DNM3: variants seen among roughly 807,000 people sequenced by gnomAD.
DNM3 encodes the protein dynamin-3.
In DNM3, 47 loss-of-function variants were observed where a neutral mutation model predicts 101.6. The observed-to-expected ratio is 0.46, with a 90% CI of 0.37 to 0.59. The LOEUF (loss-of-function observed/expected upper bound fraction) is 0.59. Ranked by LOEUF, DNM3 falls within the 20% of genes least tolerant of loss-of-function variation. DNM3 has a pLI of 0.00. For synonymous variants in DNM3, 385 were observed against 387.9 expected (o/e 0.99, Z 0.09); for missense variants, 849 against 1,085.7 (o/e 0.78, Z 3.06).
Position 172,033,093 on chromosome 1 carries a change from G to A in DNM3, c.689-12G>A, listed in dbSNP as rs1236231519. 11 of 1,609,752 alleles carry A rather than the reference G, an allele frequency of 6.8e-6. No homozygotes were observed. In the South Asian group the frequency reaches 8.9e-5, roughly 13 times the overall value. ...AGTGTCCCCAACTCCATAGATTTGT[G>A]TTTTGTTTCAGGTTACGTGGGGGTG... is the stretch of plus-strand genomic sequence containing the variant. On this transcript the variant is annotated splice_polypyrimidine_tract_variant and intron_variant, in intron 5 of 20. Transcript: ENST00000627582.
chr1:172,262,358 G>T (rs1372672795), intron 15 of DNM3, among the ~76,000 whole-genome samples: 1 of 152,174 alleles, frequency 6.6e-6, no homozygotes, highest in Non-Finnish European at 1.5e-5. Context: ...AATGCAGCTT[G>T]GTGGGGTGGG....
chr1:172,250,882 T>C (rs2062142010), intron 14 of DNM3, among the ~76,000 whole-genome samples: 1 of 152,226 alleles, frequency 6.6e-6, no homozygotes, highest in South Asian at 2.1e-4. Flanking sequence ...ACTACATATG[T>C]CATTTAAAAT....
chr1:172,297,667 T>C (rs1170806156), intron 15 of DNM3, among the ~76,000 whole-genome samples: 1 of 152,170 alleles, frequency 6.6e-6, no homozygotes, highest in Non-Finnish European at 1.5e-5. Flanking sequence ...GAAGCGTTTA[T>C]ATCTTTATTG....
At chr1:172,270,755 G>A (rs1160131483) in intron 15 of DNM3, among the ~76,000 whole-genome samples, 2 of 152,004 alleles carry the variant, frequency 1.3e-5, no homozygotes, top group African/African-American at 2.4e-5. Flanking sequence ...TAACTGTAGC[G>A]AGTTTTTCTC....
At chr1:172,099,822 T>A (rs1234352465) in intron 13 of DNM3, among the ~76,000 whole-genome samples, 1 of 152,232 alleles carries the variant, frequency 6.6e-6, no homozygotes, top group Admixed American at 6.5e-5. Context: ...GGGGCACAAG[T>A]GATAACTAAA....
intron 10 of DNM3, among the ~76,000 whole-genome samples, chr1:172,049,270 C>A (rs115651843): frequency 1.3e-5 from 2 of 152,162 alleles, no homozygotes; most frequent in Non-Finnish European, 2.9e-5. Context: ...TGACCTTGGG[C>A]TTAACCTCTC....
At chr1:172,305,314 C>A (rs767886297) in intron 15 of DNM3, among the ~76,000 whole-genome samples, 32 of 151,958 alleles carry the variant, frequency 2.1e-4, no homozygotes, top group Non-Finnish European at 4.4e-4. Context: ...ACACATACAC[C>A]ATCCTAAGAC....
chr1:172,305,280 T>A (rs1380830527), intron 15 of DNM3, among the ~76,000 whole-genome samples: 1 of 152,046 alleles, frequency 6.6e-6, no homozygotes, highest in Non-Finnish European at 1.5e-5. Context: ...CTAGAAAATC[T>A]AGAAGAAATG....
intron 13 of DNM3, among the ~76,000 whole-genome samples, chr1:172,101,270 C>G (rs1453137639): frequency 5.3e-5 from 8 of 152,060 alleles, no homozygotes; most frequent in Non-Finnish European, 1.5e-5. Context: ...TCATTAAAAC[C>G]CTATGGTTCA....
intron 11 of DNM3, among the ~76,000 whole-genome samples, chr1:172,075,026 T>C (rs563980292): frequency 6.6e-6 from 1 of 152,378 alleles, no homozygotes; most frequent in African/African-American, 2.4e-5. Flanking sequence ...CGTGAGATGG[T>C]ATCTCCTCAT....
At chr1:172,168,617 C>T (rs1455722753) in intron 14 of DNM3, among the ~76,000 whole-genome samples, 1 of 151,930 alleles carries the variant, frequency 6.6e-6, no homozygotes, top group East Asian at 1.9e-4. Context: ...AGAGACATGA[C>T]TTAGTTGAAA....
chr1:172,067,333 G>T (rs1435638696), intron 10 of DNM3, among the ~76,000 whole-genome samples: 1 of 152,070 alleles, frequency 6.6e-6, no homozygotes. Flanking sequence ...AGTCATGAAT[G>T]TGCCCACTTT....
intron 4 of DNM3, among the ~76,000 whole-genome samples, chr1:171,989,854 T>A (rs2045520168): frequency 1.3e-5 from 2 of 152,134 alleles, no homozygotes; most frequent in Admixed American, 1.3e-4. Flanking sequence ...GTTCTAGGAA[T>A]TTTTCTTTTT....
chr1:172,140,797 A>C (rs1188135995), intron 14 of DNM3, among the ~76,000 whole-genome samples: 1 of 151,968 alleles, frequency 6.6e-6, no homozygotes, highest in Non-Finnish European at 1.5e-5. Flanking sequence ...TTTTTAAAAC[A>C]CACTTACAGT....
At chr1:172,202,732 A>T (rs951414325) in intron 14 of DNM3, among the ~76,000 whole-genome samples, 1 of 152,180 alleles carries the variant, frequency 6.6e-6, no homozygotes, top group Non-Finnish European at 1.5e-5. Context: ...AGAAGAACAT[A>T]AGACTATTAT....
At chr1:172,014,079 A>T (rs926734905) in intron 4 of DNM3, among the ~76,000 whole-genome samples, 1 of 151,954 alleles carries the variant, frequency 6.6e-6, no homozygotes, top group African/African-American at 2.4e-5. Flanking sequence ...TTGAACACAC[A>T]TGTTTATAGC....
intron 17 of DNM3, among the ~76,000 whole-genome samples, chr1:172,328,016 G>A (rs1558001874): frequency 6.6e-6 from 1 of 152,102 alleles, no homozygotes; most frequent in Non-Finnish European, 1.5e-5. Context: ...ACTTCTAGAA[G>A]CAAATTGGAA....
intron 20 of DNM3, among the ~76,000 whole-genome samples, chr1:172,392,400 T>C (rs1224050058): frequency 1.4e-5 from 2 of 142,716 alleles, no homozygotes; most frequent in East Asian, 4.3e-4. Context: ...AGGGGCTAAA[T>C]GCTGTTTGAA....
intron 14 of DNM3, among the ~76,000 whole-genome samples, chr1:172,248,129 G>T (rs915156312): frequency 6.6e-6 from 1 of 151,994 alleles, no homozygotes; most frequent in Non-Finnish European, 1.5e-5. Context: ...GTACATTTAT[G>T]TGTTAAAGGT....
Sources: gnomAD v4.1 joint callset for allele counts (sites outside exome capture counted in the v4.1 genomes callset) on GRCh38, gnomAD v4.1.1 for gene constraint, MANE v1.5 for transcripts, NCBI Gene and HGNC (gene_info 2026-07-23, HGNC 2026-07-21) for gene names.